Variants in ATP9B observed in about 807,000 individuals in gnomAD.
ATP9B encodes the protein ATPase phospholipid transporting 9B.
ATP9B carries 110 observed loss-of-function variants against 146.1 expected under a neutral mutation model. The ratio of observed to expected loss-of-function variants is 0.75; its 90% CI spans 0.65 to 0.88. The LOEUF (loss-of-function observed/expected upper bound fraction) is 0.88. ATP9B is among the 40% of genes least tolerant of loss of function. The pLI, the probability that ATP9B is intolerant of heterozygous loss-of-function variation, is 0.00. For missense variants in ATP9B, 1,499 were observed against 1,496.4 expected, an observed-to-expected ratio of 1.00 and a Z score of -0.03; for synonymous variants, 604 against 569.7, an observed-to-expected ratio of 1.06 and a Z score of -0.86.
chr18:79,370,990 G>T (rs1204836181), intron 26 of ATP9B, among the ~76,000 whole-genome samples: 1 of 152,142 alleles, frequency 6.6e-6, no homozygotes, highest in East Asian at 1.9e-4. Context: ...CATTACCCAG[G>T]GAGAGAAATG....
intron 7 of ATP9B, among the ~76,000 whole-genome samples, chr18:79,160,175 A>G (rs753175387): frequency 2.0e-4 from 30 of 152,314 alleles, no homozygotes; most frequent in Non-Finnish European, 2.9e-4. Context: ...ATTATAATGT[A>G]CTTAAAAAAC....
chr18:79,229,978 TAA>T (rs144310383), intron 11 of ATP9B, among the ~76,000 whole-genome samples: 6 of 147,768 alleles, frequency 4.1e-5, no homozygotes, highest in African/African-American at 1.2e-4. Flanking sequence ...TTTAGTGCAT[TAA>T]AAAAAAAAGG....
intron 1 of ATP9B, among the ~76,000 whole-genome samples, chr18:79,073,658 G>A (rs924822739): frequency 6.6e-6 from 1 of 152,098 alleles, no homozygotes. Context: ...CGTGGAAAGC[G>A]GGAGACGGAG....
rs780621712 is a variant in ATP9B, at chr18:79,113,219, A to G, written c.445-22A>G. 10 of 1,415,924 alleles carry G rather than the reference A, an allele frequency of 7.1e-6. No individual in the cohort carries two copies. The African/African-American group carries it at 1.4e-4, about 19-fold the overall frequency. The allele number at this position is 1,415,924 out of a possible 1,614,324, so 87.7% of individuals were successfully genotyped here. A position where few individuals can be genotyped will look rare whatever the true frequency, so the allele number is the denominator to read the frequency against. ...ATTTTTTCCTTGAAGGAATTTTGTTAATTTTCTCTTTTCCTTTTTAGGTTT... is the reference window on the plus strand; with the variant it reads ...ATTTTTTCCTTGAAGGAATTTTGTTGATTTTCTCTTTTCCTTTTTAGGTTT... On this transcript the variant is annotated intron_variant, in intron 3 of 29. Coordinates refer to ENST00000426216, the MANE Select transcript of ATP9B (RefSeq NM_198531.5).
chr18:79,220,988 T>C (rs1338371404), intron 11 of ATP9B, among the ~76,000 whole-genome samples: 4 of 152,206 alleles, frequency 2.6e-5, no homozygotes, highest in African/African-American at 9.6e-5. Context: ...AGGTGTGGCC[T>C]AGACTAGGAA....
At chr18:79,293,167 C>T (rs1270743334) in intron 13 of ATP9B, among the ~76,000 whole-genome samples, 3 of 151,030 alleles carry the variant, frequency 2.0e-5, no homozygotes, top group Non-Finnish European at 4.4e-5. Flanking sequence ...AAGTTGGATA[C>T]TTATCCCACT....
chr18:79,360,798 C>T (rs553777820), intron 26 of ATP9B: 16 of 152,308 alleles, frequency 1.1e-4, no homozygotes, highest in African/African-American at 3.6e-4. Context: ...GTGGCATCAT[C>T]GTGACTACTG....
chr18:79,109,835 G>A (rs184951356), intron 2 of ATP9B, among the ~76,000 whole-genome samples: 1 of 152,054 alleles, frequency 6.6e-6, no homozygotes, highest in Admixed American at 6.5e-5. Context: ...CAAAGTGCTG[G>A]GATTACCGAT....
intron 9 of ATP9B, among the ~76,000 whole-genome samples, chr18:79,203,687 T>G (rs2095509219): frequency 6.6e-6 from 1 of 152,218 alleles, no homozygotes; most frequent in African/African-American, 2.4e-5. Flanking sequence ...ATTTTATTGC[T>G]TCAAGTTTTA....
chr18:79,277,262 C>A lies in ATP9B; in HGVS notation c.1411+66C>A, dbSNP rs551012215. 58 of 1,566,068 alleles carry A rather than the reference C, an allele frequency of 3.7e-5. No homozygotes were observed. In the African/African-American group the frequency reaches 6.5e-4, roughly 18 times the overall value. On this transcript the variant is annotated intron_variant, in intron 13 of 29. Coordinates refer to ENST00000426216, the MANE Select transcript of ATP9B (RefSeq NM_198531.5). ...TGACATTTAATAAAAAATAGCATAG[C>A]GTATAGATATATGTTTATGTGTATG... is the stretch of plus-strand genomic sequence containing the variant.
rs142339200 is a variant in ATP9B, at chr18:79,327,037, C to T, written c.1774-2104C>T. On this transcript the variant is annotated intron_variant, in intron 15 of 29. Coordinates refer to ENST00000426216, the MANE Select transcript of ATP9B (RefSeq NM_198531.5). Reference sequence around the variant, plus strand: ...TTCGGTCCTAACCTGAGCAGCTGGCCACAGAGCCAGAGCTCTTGAGAACTT... The same window carrying T: ...TTCGGTCCTAACCTGAGCAGCTGGCTACAGAGCCAGAGCTCTTGAGAACTT... 5.9e-5 allele frequency among the ~76,000 whole-genome samples: 9 copies of T among 152,332 alleles called. No homozygotes were observed. In the East Asian group the frequency reaches 1.7e-3, roughly 29 times the overall value.
intron 11 of ATP9B, among the ~76,000 whole-genome samples, chr18:79,220,859 G>A (rs1600601458): frequency 6.6e-6 from 1 of 152,222 alleles, no homozygotes. Flanking sequence ...AGCTGGAGCT[G>A]TAGGATGTCA....
At chr18:79,111,023 T>A (rs1448766123) in intron 3 of ATP9B, among the ~76,000 whole-genome samples, 1 of 152,226 alleles carries the variant, frequency 6.6e-6, no homozygotes, top group East Asian at 1.9e-4. Flanking sequence ...GACCTTCTTA[T>A]ATTGTTATAT....
chr18:79,072,441 CAT>C (rs1289361217), intron 1 of ATP9B, among the ~76,000 whole-genome samples: 2 of 152,172 alleles, frequency 1.3e-5, no homozygotes, highest in Admixed American at 6.5e-5. Context: ...TGACACAGCA[CAT>C]GTTTCAGAGA....
intron 13 of ATP9B, among the ~76,000 whole-genome samples, chr18:79,290,873 C>T (rs1024721517): frequency 2.6e-5 from 4 of 152,204 alleles, no homozygotes; most frequent in African/African-American, 7.2e-5. Flanking sequence ...GTTTATTGCT[C>T]TAGGTGCGTG....
intron 25 of ATP9B, among the ~76,000 whole-genome samples, chr18:79,356,614 A>G (rs2096954945): frequency 6.6e-6 from 1 of 152,260 alleles, no homozygotes; most frequent in South Asian, 2.1e-4. Context: ...GCTGTGTAAA[A>G]GACGCCAGTC....
At chr18:79,316,663 T>C (rs1433472308) in intron 15 of ATP9B, among the ~76,000 whole-genome samples, 1 of 152,134 alleles carries the variant, frequency 6.6e-6, no homozygotes, top group Non-Finnish European at 1.5e-5. Flanking sequence ...AGAGAGCACC[T>C]GGTACCCTCA....
intron 7 of ATP9B, among the ~76,000 whole-genome samples, chr18:79,172,101 C>T (rs1257647647): frequency 2.0e-5 from 3 of 152,240 alleles, no homozygotes; most frequent in African/African-American, 7.2e-5. Flanking sequence ...GCTGTTCAGG[C>T]TGGTCTCGAG....
At chr18:79,170,671 C>G (rs1389847603) in intron 7 of ATP9B, among the ~76,000 whole-genome samples, 3 of 152,162 alleles carry the variant, frequency 2.0e-5, no homozygotes. Flanking sequence ...TTAAACATTT[C>G]CATCAGTTGC....
Sources: allele counts gnomAD v4.1 joint callset (sites outside exome capture counted in the v4.1 genomes callset), GRCh38; gene constraint gnomAD v4.1.1; transcripts MANE v1.5; gene names NCBI Gene and HGNC (gene_info 2026-07-23, HGNC 2026-07-21).